Variants in RAB3GAP2 observed in about 807,000 individuals in gnomAD.
The protein encoded by RAB3GAP2 is RAB3 GTPase activating non-catalytic protein subunit 2, also known as rab3 GTPase-activating protein non-catalytic subunit.
Under a neutral mutation model 185.3 loss-of-function variants are expected in RAB3GAP2, and 87 were observed. The observed-to-expected ratio is 0.47, with a 90% CI of 0.39 to 0.56. The LOEUF is 0.56. Ranked by LOEUF, RAB3GAP2 falls within the 20% of genes least tolerant of loss-of-function variation. The pLI is 0.00. For missense variants in RAB3GAP2, 1,492 were observed against 1,638.2 expected (o/e 0.91, Z 1.54); for synonymous variants, 554 against 576.1 (o/e 0.96, Z 0.55).
In RAB3GAP2 at chr1:220,149,105, G is replaced by A. The variant is rs1657689686; in HGVS notation, c.*2146C>T. On this transcript the variant is annotated 3_prime_UTR_variant, in exon 35 of 35. Transcript: ENST00000358951. ...TCATCTATGGCTCTTTGTTATTATA[G>A]AATGTCTACATAGGTATTTATTTGC... 1 of 152,020 alleles carries A rather than the reference G, an allele frequency of 6.6e-6. No homozygotes were observed. The highest frequency in any genetic ancestry group is 2.1e-4 in the South Asian group (1 of 4,824). 9.4% of individuals were successfully genotyped at this position (152,020 alleles called of 1,614,324 possible).
chr1:220,176,535 T>C (rs767592927), intron 21 of RAB3GAP2, among the ~76,000 whole-genome samples: 1 of 152,204 alleles, frequency 6.6e-6, no homozygotes, highest in Non-Finnish European at 1.5e-5. Flanking sequence ...GAAAGAACTG[T>C]ACACACTAGT....
At chr1:220,204,918 A>AT (rs1424995895) in intron 8 of RAB3GAP2, among the ~76,000 whole-genome samples, 1 of 151,524 alleles carries the variant, frequency 6.6e-6, no homozygotes, top group Non-Finnish European at 1.5e-5. Context: ...TGAACTCATC[A>AT]TTTTTTATGG....
intron 1 of RAB3GAP2, chr1:220,267,539 G>A: frequency 7.4e-7 from 1 of 1,356,354 alleles, no homozygotes; most frequent in South Asian, 1.2e-5. Context: ...AAAGCCCATT[G>A]CCTCTTTTTG....
chr1:220,172,887 A>C, intron 21 of RAB3GAP2, 145 bp from the exon 22 acceptor site: 1 of 659,484 alleles, frequency 1.5e-6, no homozygotes, highest in Non-Finnish European at 2.7e-6. Flanking sequence ...TGTATCATGT[A>C]ATCTGAGAGG....
rs373875950 is a variant in RAB3GAP2 at position 220,210,757 on chromosome 1, T to C, written c.510+44A>G. 2.0e-5 allele frequency: 30 copies of C among 1,535,510 alleles called. 1 individual carries two copies. The highest frequency in any genetic ancestry group is 4.7e-5 in the East Asian group (2 of 42,976). On this transcript the variant is annotated intron_variant, in intron 6 of 34. Transcript: ENST00000358951. ...TATAAAGGTGATGCATAACCAGATA[T>C]TGCAGTCAACTAGTGTTTTCCAGCT... is the stretch of plus-strand genomic sequence containing the variant.
intron 1 of RAB3GAP2, among the ~76,000 whole-genome samples, chr1:220,246,722 A>C (rs985146283): frequency 3.0e-5 from 4 of 135,422 alleles, no homozygotes; most frequent in Admixed American, 1.5e-4. Flanking sequence ...TTGAACAATG[A>C]GATCACATGG....
chr1:220,220,912 C>G (rs779485445), intron 2 of RAB3GAP2, among the ~76,000 whole-genome samples: 14 of 152,168 alleles, frequency 9.2e-5, no homozygotes, highest in Non-Finnish European at 1.9e-4. Context: ...TGCCCAGTCT[C>G]AGGTATGTCT....
chr1:220,179,331 G>T (rs1055081925), intron 21 of RAB3GAP2, among the ~76,000 whole-genome samples: 1 of 149,236 alleles, frequency 6.7e-6, no homozygotes, highest in Non-Finnish European at 1.5e-5. Context: ...TCTAACAATA[G>T]TAAGTATATA....
At chr1:220,192,001 G>A (rs1381803749) in intron 13 of RAB3GAP2, among the ~76,000 whole-genome samples, 1 of 152,060 alleles carries the variant, frequency 6.6e-6, no homozygotes, top group East Asian at 1.9e-4. Flanking sequence ...CCATTTTAGG[G>A]TGGTCCCTCA....
chr1:220,221,722 G>C (rs1212231152), intron 2 of RAB3GAP2, among the ~76,000 whole-genome samples: 1 of 152,210 alleles, frequency 6.6e-6, no homozygotes, highest in African/African-American at 2.4e-5. Flanking sequence ...ATATGGGATA[G>C]AGCATATACT....
intron 31 of RAB3GAP2, among the ~76,000 whole-genome samples, chr1:220,154,639 A>T (rs1399484580): frequency 6.6e-6 from 1 of 152,044 alleles, no homozygotes; most frequent in Non-Finnish European, 1.5e-5. Flanking sequence ...GTGAGATAAT[A>T]AATATTTGTT....
chr1:220,153,259 C>T lies in RAB3GAP2; in HGVS notation c.3793G>A (p.Val1265Ile). Residue 1265 changes from valine to isoleucine, a missense_variant, in exon 33 of 35, where the codon GTT becomes ATT. Val to Ile is a conservative substitution (Grantham distance 29). Transcript: ENST00000358951. Reference sequence around the variant, plus strand: ...TGCCTTCTAACAACATCTTCACTAACTTGAAGGTGATGGGCTAAATCCACA... The same window carrying T: ...TGCCTTCTAACAACATCTTCACTAATTTGAAGGTGATGGGCTAAATCCACA... ...LAVDLAHHLQ[V>I]SEDVVRRHYV... The T allele has an allele frequency of 6.2e-7, 1 of 1,614,122 alleles. No individual in the cohort carries two copies. The highest frequency in any genetic ancestry group is 8.5e-7 in the Non-Finnish European group (1 of 1,179,972).
Position 220,210,291 on chromosome 1 carries a change from G to A in RAB3GAP2, c.612+97C>T, listed in dbSNP as rs184874456. The stretch of plus-strand genomic sequence containing the variant: ...GCAGAGCTAACTAACTGTGCCACAA[G>A]ACAAAGATCTCTTTTAAGTTTCTAC... On this transcript the variant is annotated intron_variant, in intron 7 of 34. Transcript: ENST00000358951. The A allele has an allele frequency of 2.7e-4, 241 of 899,102 alleles. 2 individuals are homozygous for A. The African/African-American group carries it at 3.5e-3, about 13-fold the overall frequency. The allele number at this position is 899,102 out of a possible 1,614,324, so 55.7% of individuals were successfully genotyped here.
intron 2 of RAB3GAP2, among the ~76,000 whole-genome samples, chr1:220,214,946 TTATATATATATA>T (rs10526805): frequency 6.8e-4 from 61 of 89,612 alleles, no homozygotes; most frequent in African/African-American, 1.9e-3. Context: ...AATAGTAGCA[TTATATATATATA>T]TATATATATA....
chr1:220,254,456 A>G (rs1659997315), intron 1 of RAB3GAP2: 17 of 1,613,352 alleles, frequency 1.1e-5, no homozygotes, highest in Admixed American at 5.0e-5. Flanking sequence ...GATTTCCTAA[A>G]GTACCTGGCA....
At chr1:220,218,708 T>C (rs1659246273) in intron 2 of RAB3GAP2, among the ~76,000 whole-genome samples, 1 of 151,678 alleles carries the variant, frequency 6.6e-6, no homozygotes, top group Non-Finnish European at 1.5e-5. Flanking sequence ...CTGCACGTTG[T>C]GCACATGTAC....
At chr1:220,168,211 G>A (rs1160074853) in intron 24 of RAB3GAP2, among the ~76,000 whole-genome samples, 2 of 152,210 alleles carry the variant, frequency 1.3e-5, no homozygotes, top group African/African-American at 4.8e-5. Context: ...TCCTGCCTCA[G>A]CCTCCCGAGC....
At chr1:220,270,924 C>T (rs564929560) in intron 1 of RAB3GAP2, among the ~76,000 whole-genome samples, 2 of 152,216 alleles carry the variant, frequency 1.3e-5, no homozygotes, top group African/African-American at 4.8e-5. Context: ...CTTCCTCTCC[C>T]ATCCTCCTCT....
Position 220,260,761 on chromosome 1 carries a change from A to G in RAB3GAP2, c.115+11462T>C, listed in dbSNP as rs190230197. On this transcript the variant is annotated intron_variant, in intron 1 of 34. Transcript: ENST00000358951. Reference sequence around the variant, plus strand: ...TCCCTGAACTTAAAAGTTGAAGAAGAAGAAGAAAAAAGTCTTACTAAGGCA... The same window carrying G: ...TCCCTGAACTTAAAAGTTGAAGAAGGAGAAGAAAAAAGTCTTACTAAGGCA... Among the ~76,000 whole-genome samples, 4 of 152,324 alleles carry G rather than the reference A, an allele frequency of 2.6e-5. No individual in the cohort carries two copies. In the East Asian group the frequency reaches 7.7e-4, roughly 29 times the overall value.
Sources: allele counts gnomAD v4.1 joint callset (sites outside exome capture counted in the v4.1 genomes callset), GRCh38; gene constraint gnomAD v4.1.1; transcripts MANE v1.5; gene names NCBI Gene and HGNC (gene_info 2026-07-23, HGNC 2026-07-21).